Variants in ASTN2 observed in about 807,000 individuals in gnomAD.
ASTN2 encodes the protein astrotactin-2.
In ASTN2, 54 loss-of-function variants were observed where a neutral mutation model predicts 139.8. The ratio of observed to expected loss-of-function variants is 0.39; its 90% confidence interval spans 0.31 to 0.48. The LOEUF is 0.48. Ranked by LOEUF, ASTN2 falls within the 20% of genes least tolerant of loss-of-function variation. The pLI, the probability that ASTN2 is intolerant of heterozygous loss-of-function variation, is 0.95. For missense variants in ASTN2, 1,565 were observed against 1,725.1 expected (o/e 0.91, Z 1.64); for synonymous variants, 756 against 719.5 (o/e 1.05, Z -0.81).
chr9:116,626,476 T>C (rs1264629089), intron 17 of ASTN2, among the ~76,000 whole-genome samples: 2 of 152,134 alleles, frequency 1.3e-5, no homozygotes, highest in Non-Finnish European at 2.9e-5. Flanking sequence ...CTTGATATTA[T>C]TGTGTTCTTC....
intron 19 of ASTN2, among the ~76,000 whole-genome samples, chr9:116,595,332 C>CTGT (rs60542068): frequency 0.52 from 78,863 of 151,422 alleles, 20,796 homozygotes; most frequent in South Asian, 0.63. Flanking sequence ...CTTGTTGTTG[C>CTGT]TGTTGTTGTT....
At chr9:117,195,499 T>A (rs1465695702) in intron 3 of ASTN2, among the ~76,000 whole-genome samples, 1 of 151,740 alleles carries the variant, frequency 6.6e-6, no homozygotes, top group Admixed American at 6.6e-5. Flanking sequence ...GGAAGACCAA[T>A]AAGTAGGTAT....
chr9:116,564,747 T>C (rs1432051270), intron 19 of ASTN2, among the ~76,000 whole-genome samples: 1 of 152,128 alleles, frequency 6.6e-6, no homozygotes, highest in Admixed American at 6.5e-5. Flanking sequence ...TATTTTTTCA[T>C]ATAGTCATAT....
chr9:117,197,729 G>C (rs1831553532), intron 3 of ASTN2, among the ~76,000 whole-genome samples: 1 of 152,180 alleles, frequency 6.6e-6, no homozygotes, highest in African/African-American at 2.4e-5. Context: ...GGAATAGAAT[G>C]AACAGGCAAG....
chr9:117,158,586 A>G (rs1830479807), intron 3 of ASTN2, among the ~76,000 whole-genome samples: 1 of 152,030 alleles, frequency 6.6e-6, no homozygotes, highest in African/African-American at 2.4e-5. Flanking sequence ...TGGCATGAAT[A>G]AATTTCCACA....
intron 2 of ASTN2, among the ~76,000 whole-genome samples, chr9:117,226,925 A>G (rs1226170683): frequency 1.3e-5 from 2 of 152,238 alleles, no homozygotes; most frequent in African/African-American, 2.4e-5. Context: ...CAACCTTAAA[A>G]TACTGTGCCA....
At chr9:117,400,667 AGG>A (rs1830804157) in intron 1 of ASTN2, among the ~76,000 whole-genome samples, 1 of 152,174 alleles carries the variant, frequency 6.6e-6, no homozygotes, top group South Asian at 2.1e-4. Context: ...TGATCTTCAG[AGG>A]CCCCAGAAAG....
At chr9:117,409,819 G>A (rs745436223) in intron 1 of ASTN2, among the ~76,000 whole-genome samples, 8 of 152,190 alleles carry the variant, frequency 5.3e-5, no homozygotes, top group Non-Finnish European at 1.2e-4. Context: ...CCAGCCCTCT[G>A]TGGCTAAACT....
chr9:117,086,501 G>A (rs976390140), intron 5 of ASTN2, among the ~76,000 whole-genome samples: 23 of 152,168 alleles, frequency 1.5e-4, no homozygotes, highest in Admixed American at 1.4e-3. Flanking sequence ...TTGAACACAG[G>A]AGGTGGAGGT....
At chr9:116,778,304 C>T (rs1213486883) in intron 13 of ASTN2, among the ~76,000 whole-genome samples, 1 of 151,840 alleles carries the variant, frequency 6.6e-6, no homozygotes, top group Non-Finnish European at 1.5e-5. Context: ...AGACATTATA[C>T]CAAAAAAAAT....
At chr9:116,524,029 A>G (rs1227721487) in intron 19 of ASTN2, among the ~76,000 whole-genome samples, 1 of 152,198 alleles carries the variant, frequency 6.6e-6, no homozygotes, top group Non-Finnish European at 1.5e-5. Flanking sequence ...ACACAGTGGC[A>G]TAGCTTAGAT....
intron 2 of ASTN2, among the ~76,000 whole-genome samples, chr9:117,275,351 G>A (rs1373686671): frequency 6.6e-6 from 1 of 151,990 alleles, no homozygotes; most frequent in African/African-American, 2.4e-5. Context: ...TGCCCACACT[G>A]CCATCACAGC....
chr9:117,261,744 G>A (rs1176284168), intron 2 of ASTN2, among the ~76,000 whole-genome samples: 1 of 152,112 alleles, frequency 6.6e-6, no homozygotes, highest in Non-Finnish European at 1.5e-5. Flanking sequence ...AGTGAAATTG[G>A]TTAGGATTTC....
intron 7 of ASTN2, among the ~76,000 whole-genome samples, chr9:116,978,960 C>T (rs950134790): frequency 1.3e-5 from 2 of 152,166 alleles, no homozygotes; most frequent in African/African-American, 2.4e-5. Flanking sequence ...TAGGGTAACA[C>T]GGGTTCTACA....
chr9:117,215,655 C>T (rs1024573525), intron 2 of ASTN2, among the ~76,000 whole-genome samples: 1 of 152,068 alleles, frequency 6.6e-6, no homozygotes, highest in Non-Finnish European at 1.5e-5. Context: ...TTTCAAAACA[C>T]GTCTGTAATC....
At chr9:116,873,209 G>A (rs1833210221) in intron 10 of ASTN2, among the ~76,000 whole-genome samples, 1 of 152,198 alleles carries the variant, frequency 6.6e-6, no homozygotes, top group Admixed American at 6.5e-5. Context: ...GCACCATTTT[G>A]AGGCTGTTTT....
chr9:117,160,595 T>G (rs1321355448), intron 3 of ASTN2, among the ~76,000 whole-genome samples: 1 of 152,074 alleles, frequency 6.6e-6, no homozygotes, highest in Non-Finnish European at 1.5e-5. Flanking sequence ...ATTTTTATTA[T>G]TTTTCCTCCC....
At chr9:116,512,234 T>C (rs1040731556) in intron 19 of ASTN2, among the ~76,000 whole-genome samples, 5 of 152,230 alleles carry the variant, frequency 3.3e-5, no homozygotes, top group African/African-American at 1.2e-4. Context: ...AGAACATCTT[T>C]ATTTCTGCCT....
intron 13 of ASTN2, among the ~76,000 whole-genome samples, chr9:116,744,784 C>A (rs977393272): frequency 1.3e-5 from 2 of 152,154 alleles, no homozygotes; most frequent in East Asian, 1.9e-4. Flanking sequence ...TTAACCACAG[C>A]TAGAAAACAG....
Sources: allele counts gnomAD v4.1 joint callset (sites outside exome capture counted in the v4.1 genomes callset), GRCh38; gene constraint gnomAD v4.1.1; transcripts MANE v1.5; gene names NCBI Gene and HGNC (gene_info 2026-07-23, HGNC 2026-07-21).